ALK: variants seen among roughly 807,000 people sequenced by gnomAD.
ALK encodes ALK tyrosine kinase receptor.
A neutral mutation model predicts 163.1 loss-of-function variants in ALK; 74 were observed. The ratio of observed to expected loss-of-function variants is 0.45; its 90% confidence interval spans 0.38 to 0.55. The LOEUF (loss-of-function observed/expected upper bound fraction) is 0.55. Ranked by LOEUF, ALK falls within the 20% of genes least tolerant of loss-of-function variation. The pLI, the probability that ALK is intolerant of heterozygous loss-of-function variation, is 0.00. For synonymous variants in ALK, 960 were observed against 843.2 expected (o/e 1.14, Z -2.40); for missense variants, 2,063 against 2,105.3 (o/e 0.98, Z 0.39).
At chr2:29,569,928 G>A (rs995272417) in intron 3 of ALK, among the ~76,000 whole-genome samples, 7 of 152,202 alleles carry the variant, frequency 4.6e-5, no homozygotes, top group African/African-American at 9.6e-5. Context: ...CTCAGGTCCT[G>A]CTTGCCCAGG....
chr2:29,742,754 A>T (rs1680095959), intron 1 of ALK, among the ~76,000 whole-genome samples: 2 of 152,168 alleles, frequency 1.3e-5, no homozygotes, highest in Admixed American at 1.3e-4. Context: ...CCAAAGTGGA[A>T]CTACAACCTG....
rs1666008362 is a variant in ALK, at chr2:29,852,026, C to G, written c.667+67967G>C. Among the ~76,000 whole-genome samples, 5 of 152,208 alleles carry G rather than the reference C, an allele frequency of 3.3e-5. No homozygotes were observed. In the South Asian group the frequency reaches 1.0e-3, roughly 31 times the overall value. On this transcript the variant is annotated intron_variant, in intron 1 of 28. Coordinates refer to ENST00000389048, the MANE Select transcript of ALK (RefSeq NM_004304.5). ...AGTTTCTTCATATTATTACTCTGTT[C>G]TGGCCATATCTGCCTGCAGGGGAAG...
chr2:29,502,860 C>A (rs188579863), intron 4 of ALK, among the ~76,000 whole-genome samples: 2 of 152,054 alleles, frequency 1.3e-5, no homozygotes, highest in African/African-American at 4.8e-5. Context: ...ATCATTCAGC[C>A]GTGATTACAG....
At chr2:29,356,927 G>GATC (rs35342524) in intron 5 of ALK, among the ~76,000 whole-genome samples, 32,279 of 151,832 alleles carry the variant, frequency 0.21, 3,594 homozygotes, top group Middle Eastern at 0.3. Flanking sequence ...TCCCCATCCA[G>GATC]CCCATGACTG....
chr2:29,890,430 G>A (rs963314866), intron 1 of ALK: 2 of 152,164 alleles, frequency 1.3e-5, no homozygotes, highest in Admixed American at 6.5e-5. Flanking sequence ...CTACAAAAAG[G>A]TTATAGGCGT....
At chr2:29,778,208 T>C (rs1681232294) in intron 1 of ALK, among the ~76,000 whole-genome samples, 1 of 152,240 alleles carries the variant, frequency 6.6e-6, no homozygotes, top group Non-Finnish European at 1.5e-5. Context: ...GGATGCGCTC[T>C]GCAGTCCTTG....
At chr2:29,594,426 CTTTT>C (rs754184164) in intron 3 of ALK, among the ~76,000 whole-genome samples, 1 of 128,936 alleles carries the variant, frequency 7.8e-6, no homozygotes, top group South Asian at 2.5e-4. Context: ...GGTCTCCTCA[CTTTT>C]TTTTTTTTTT....
At chr2:29,419,767 G>C (rs1267823829) in intron 4 of ALK, among the ~76,000 whole-genome samples, 1 of 151,484 alleles carries the variant, frequency 6.6e-6, no homozygotes, top group Non-Finnish European at 1.5e-5. Flanking sequence ...GGGGTGAGAG[G>C]ACTGTGAAGA....
intron 3 of ALK, among the ~76,000 whole-genome samples, chr2:29,574,984 A>G (rs114757949): frequency 2.0e-3 from 308 of 152,328 alleles, no homozygotes; most frequent in African/African-American, 7.1e-3. Flanking sequence ...GAATTCAGGC[A>G]GGCACAACCA....
intron 1 of ALK, among the ~76,000 whole-genome samples, chr2:29,787,711 A>G (rs1039333022): frequency 6.6e-6 from 1 of 152,208 alleles, no homozygotes; most frequent in African/African-American, 2.4e-5. Context: ...AAGAGGCTGT[A>G]AGACAGTAGG....
chr2:29,687,076 A>G (rs1297280567), intron 3 of ALK, among the ~76,000 whole-genome samples: 1 of 152,054 alleles, frequency 6.6e-6, no homozygotes, highest in Non-Finnish European at 1.5e-5. Context: ...CCACCCAGTG[A>G]CCTTAGTATG....
rs66468654 is a variant in ALK, at chr2:29,420,156, T to TAA, written c.1155-36299_1155-36298dup. ...TGGGTGACAAAGTGAGACCCTGTCT[T>TAA]AAAAAAAAAAAAAAAAAAAAAAGGT... is the stretch of plus-strand genomic sequence containing the variant. On this transcript the variant is annotated intron_variant, in intron 4 of 28. Coordinates refer to ENST00000389048, the MANE Select transcript of ALK (RefSeq NM_004304.5). 9.7e-3 allele frequency among the ~76,000 whole-genome samples: 1,051 copies of TAA among 108,692 alleles called. 21 individuals are homozygous for TAA. Among genetic ancestry groups the TAA allele is most frequent in the African/African-American group, 0.035 (912 of 25,714 alleles). 71.3% of individuals were successfully genotyped at this position (108,692 alleles called of 152,430 possible).
intron 3 of ALK, among the ~76,000 whole-genome samples, chr2:29,634,557 C>A (rs1676469623): frequency 6.6e-6 from 1 of 151,896 alleles, no homozygotes; most frequent in South Asian, 2.1e-4. Flanking sequence ...GAAGAAAAAG[C>A]AATAGATAAA....
chr2:29,256,201 T>G (rs1239125919), intron 11 of ALK, among the ~76,000 whole-genome samples: 1 of 152,140 alleles, frequency 6.6e-6, no homozygotes, highest in Admixed American at 6.5e-5. Flanking sequence ...TGAGCCTTGA[T>G]CCCCAGGTAG....
chr2:29,220,696 T>TCTCA lies in ALK; in HGVS notation c.3645+6_3645+9dup. The TCTCA allele has an allele frequency of 6.2e-7, 1 of 1,613,366 alleles. No homozygotes were observed. Among genetic ancestry groups the TCTCA allele is most frequent in the Non-Finnish European group, 8.5e-7 (1 of 1,179,584 alleles). ...CACAACAACTGCAGCAAAGACTGGT[T>TCTCA]CTCACTCACCGGGCGAGGGCGGGTC... On this transcript the variant is annotated intron_variant, in intron 23 of 28. Transcript: ENST00000389048.
intron 4 of ALK, among the ~76,000 whole-genome samples, chr2:29,436,638 T>C (rs532091765): frequency 6.6e-6 from 1 of 152,316 alleles, no homozygotes; most frequent in African/African-American, 2.4e-5. Flanking sequence ...TGCTATCATA[T>C]TGATGTTCGC....
intron 1 of ALK, among the ~76,000 whole-genome samples, chr2:29,832,376 C>G (rs1665443037): frequency 6.6e-6 from 1 of 152,106 alleles, no homozygotes; most frequent in Non-Finnish European, 1.5e-5. Context: ...AACTAGGGAA[C>G]TGAGGTGAAT....
At chr2:29,436,665 CT>C (rs746722747) in intron 4 of ALK, among the ~76,000 whole-genome samples, 2 of 152,164 alleles carry the variant, frequency 1.3e-5, no homozygotes, top group Non-Finnish European at 2.9e-5. Flanking sequence ...GCTGATAACT[CT>C]CTCTTAGCCC....
intron 8 of ALK, among the ~76,000 whole-genome samples, chr2:29,313,559 C>A (rs765825083): frequency 2.0e-5 from 3 of 152,152 alleles, no homozygotes; most frequent in Non-Finnish European, 4.4e-5. Flanking sequence ...GCTTTTGAAG[C>A]TCTCATCAAC....
Sources: gnomAD v4.1 joint callset for allele counts (sites outside exome capture counted in the v4.1 genomes callset) on GRCh38, gnomAD v4.1.1 for gene constraint, MANE v1.5 for transcripts, NCBI Gene and HGNC (gene_info 2026-07-23, HGNC 2026-07-21) for gene names.